The following ACSS3 variants were observed in gnomAD, a reference collection of about 807,000 sequenced individuals.
ACSS3 encodes acyl-CoA synthetase short-chain family member 3, mitochondrial.
Under a neutral mutation model 84.2 loss-of-function variants are expected in ACSS3, and 64 were observed. The ratio of observed to expected loss-of-function variants is 0.76; its 90% confidence interval spans 0.62 to 0.94. ACSS3 has a LOEUF of 0.94. ACSS3 is among the 40% of genes least tolerant of loss of function. ACSS3 has a pLI of 0.00. For missense variants in ACSS3, 815 were observed against 867.6 expected, an observed-to-expected ratio of 0.94 and a Z score of 0.76; for synonymous variants, 317 against 310.1, an observed-to-expected ratio of 1.02 and a Z score of -0.23.
At position 81,078,199 on chromosome 12, in the gene ACSS3, G is replaced by A; in HGVS notation, c.79G>A (p.Ala27Thr). The change falls in exon 1 of 16, where the codon GCC (alanine) becomes ACC (threonine). Residue 27 changes from alanine (A) to threonine (T), a missense_variant. Ala to Thr is a moderately conservative substitution (Grantham distance 58). Transcript: ENST00000548058. ...LGGPLPGSSPARGAGAALRAL... is the reference protein window; with the variant it reads ...LGGPLPGSSPTRGAGAALRAL... ...AGGGCCCTTGCCTGGGTCCTCTCCG[G>A]CCCGGGGAGCCGGTGCGGCCCTCAG... 2 of 1,560,812 alleles carry A rather than the reference G, an allele frequency of 1.3e-6. No homozygotes were observed. Among genetic ancestry groups the A allele is most frequent in the Non-Finnish European group, 8.6e-7 (1 of 1,157,130 alleles).
intron 1 of ACSS3, among the ~76,000 whole-genome samples, chr12:81,106,282 T>C (rs1347224342): frequency 6.6e-6 from 1 of 152,170 alleles, no homozygotes; most frequent in Non-Finnish European, 1.5e-5. Context: ...AGCCATATTG[T>C]GAACTGCACA....
chr12:81,210,253 A>G (rs1473519932), intron 9 of ACSS3, among the ~76,000 whole-genome samples: 2 of 152,122 alleles, frequency 1.3e-5, no homozygotes, highest in Admixed American at 6.5e-5. Context: ...ATCTTCTGTA[A>G]CTTCTTCAGG....
At chr12:81,219,797 T>C (rs1454218934) in intron 10 of ACSS3, among the ~76,000 whole-genome samples, 4 of 152,044 alleles carry the variant, frequency 2.6e-5, no homozygotes, top group Admixed American at 6.6e-5. Context: ...TTAAGGGATA[T>C]TCTGAAGGAA....
chr12:81,233,778 G>C (rs146956174), intron 13 of ACSS3, among the ~76,000 whole-genome samples: 1 of 151,512 alleles, frequency 6.6e-6, no homozygotes, highest in Admixed American at 6.6e-5. Context: ...TGATTTACTC[G>C]TGTTTAATCA....
At chr12:81,139,025 A>T (rs1774457040) in intron 3 of ACSS3, 106 bp from the exon 4 acceptor site, 1 of 1,202,698 alleles carries the variant, frequency 8.3e-7, no homozygotes, top group African/African-American at 1.5e-5. Flanking sequence ...AGAAACATTC[A>T]GACATTTCTT....
At chr12:81,251,024 A>T (rs1679447755) in intron 13 of ACSS3, among the ~76,000 whole-genome samples, 1 of 152,172 alleles carries the variant, frequency 6.6e-6, no homozygotes, top group African/African-American at 2.4e-5. Context: ...TTTCCTATAT[A>T]AGCTGTGTCA....
intron 7 of ACSS3, among the ~76,000 whole-genome samples, chr12:81,166,066 C>G (rs969696710): frequency 6.6e-6 from 1 of 152,144 alleles, no homozygotes; most frequent in Non-Finnish European, 1.5e-5. Context: ...GGGGCTGGAG[C>G]TGGGATTTGA....
intron 9 of ACSS3, among the ~76,000 whole-genome samples, chr12:81,214,005 T>G (rs1413439875): frequency 4.5e-4 from 51 of 113,464 alleles, no homozygotes; most frequent in Non-Finnish European, 4.5e-4. Context: ...CTTTCTTTCT[T>G]TCATCTGTCT....
chr12:81,245,731 G>C (rs1286939145), intron 13 of ACSS3, among the ~76,000 whole-genome samples: 1 of 152,138 alleles, frequency 6.6e-6, no homozygotes, highest in South Asian at 2.1e-4. Flanking sequence ...AGTTTTGGGG[G>C]AGTGGTTTTC....
intron 7 of ACSS3, among the ~76,000 whole-genome samples, chr12:81,160,451 G>A (rs1593143562): frequency 6.6e-6 from 1 of 152,206 alleles, no homozygotes; most frequent in Admixed American, 6.5e-5. Context: ...AATTCTGAAT[G>A]ATGGTACAGG....
intron 7 of ACSS3, among the ~76,000 whole-genome samples, chr12:81,164,726 C>A (rs1328203778): frequency 2.6e-5 from 4 of 152,176 alleles, no homozygotes. Flanking sequence ...GCTTCATTTT[C>A]ACAGTGTAAT....
At chr12:81,117,424 A>G (rs1307231412) in intron 2 of ACSS3, among the ~76,000 whole-genome samples, 1 of 152,164 alleles carries the variant, frequency 6.6e-6, no homozygotes, top group Non-Finnish European at 1.5e-5. Context: ...TGTCAGGGAA[A>G]GTACTTGTCA....
chr12:81,213,086 G>A (rs2032658271), intron 9 of ACSS3, among the ~76,000 whole-genome samples: 1 of 152,120 alleles, frequency 6.6e-6, no homozygotes, highest in African/African-American at 2.4e-5. Flanking sequence ...TTTGTTTATT[G>A]TAGCTATTTC....
Position 81,174,703 on chromosome 12 carries a change from T to G in ACSS3, c.1099-85T>G, listed in dbSNP as rs374752293. The G allele has an allele frequency of 3.6e-4, 479 of 1,344,736 alleles. 1 individual carries two copies. The East Asian group carries it at 0.01, about 28-fold the overall frequency. 83.3% of individuals were successfully genotyped at this position (1,344,736 alleles called of 1,614,324 possible). Reference sequence around the variant, plus strand: ...GTTGAAAACCCCTTATTATTAATATTGTTGTGTTAAATGTATAACTATTGA... The same window carrying G: ...GTTGAAAACCCCTTATTATTAATATGGTTGTGTTAAATGTATAACTATTGA... On this transcript the variant is annotated intron_variant, in intron 7 of 15. Coordinates refer to ENST00000548058, the MANE Select transcript of ACSS3 (RefSeq NM_024560.4).
intron 13 of ACSS3, among the ~76,000 whole-genome samples, chr12:81,243,819 C>T (rs1018820405): frequency 5.9e-5 from 9 of 152,092 alleles, no homozygotes; most frequent in East Asian, 5.8e-4. Flanking sequence ...TATACACATG[C>T]GCATATACAC....
chr12:81,251,764 G>A (rs1299031193), intron 13 of ACSS3, among the ~76,000 whole-genome samples: 2 of 151,946 alleles, frequency 1.3e-5, no homozygotes, highest in African/African-American at 2.4e-5. Flanking sequence ...GATCACCTGA[G>A]CCTGGGAGAT....
intron 13 of ACSS3, among the ~76,000 whole-genome samples, chr12:81,234,687 A>G (rs896557300): frequency 4.0e-5 from 6 of 151,452 alleles, no homozygotes; most frequent in Non-Finnish European, 4.4e-5. Flanking sequence ...TTTGCCATCC[A>G]TATACCTTTT....
chr12:81,158,214 A>G (rs570286572), intron 7 of ACSS3, among the ~76,000 whole-genome samples: 1 of 152,156 alleles, frequency 6.6e-6, no homozygotes, highest in African/African-American at 2.4e-5. Flanking sequence ...TCTCTGTATT[A>G]CTTCTTACAA....
At chr12:81,206,197 TTC>T (rs2032338226) in intron 9 of ACSS3, among the ~76,000 whole-genome samples, 1 of 152,138 alleles carries the variant, frequency 6.6e-6, no homozygotes, top group African/African-American at 2.4e-5. Context: ...ACTCAGTAAT[TTC>T]TGAGTCTATC....
Sources: gnomAD v4.1 joint callset for allele counts (sites outside exome capture counted in the v4.1 genomes callset) on GRCh38, gnomAD v4.1.1 for gene constraint, MANE v1.5 for transcripts, NCBI Gene and HGNC (gene_info 2026-07-23, HGNC 2026-07-21) for gene names.